Variants in FER observed in about 807,000 individuals in gnomAD.
FER encodes tyrosine-protein kinase Fer.
Under a neutral mutation model 111.0 loss-of-function variants are expected in FER, and 63 were observed. That is an observed-to-expected ratio of 0.57 (90% CI 0.46 to 0.70). FER has a LOEUF of 0.70. Among genes scored for constraint, FER ranks in the 30% least tolerant of loss-of-function variants. The probability of loss-of-function intolerance (pLI) is 0.00; values close to 1 mark genes in which losing one functional copy is unlikely to be tolerated. For missense variants in FER, 914 were observed against 954.0 expected, an observed-to-expected ratio of 0.96 and a Z score of 0.55; for synonymous variants, 327 against 313.9, an observed-to-expected ratio of 1.04 and a Z score of -0.44.
chr5:109,103,491 G>T (rs1159287695), intron 17 of FER, among the ~76,000 whole-genome samples: 1 of 152,120 alleles, frequency 6.6e-6, no homozygotes, highest in Non-Finnish European at 1.5e-5. Flanking sequence ...GAAATGACCT[G>T]CATTTGGAAG....
intron 13 of FER, among the ~76,000 whole-genome samples, chr5:108,985,188 T>C (rs1187769873): frequency 6.6e-6 from 1 of 152,136 alleles, no homozygotes; most frequent in East Asian, 1.9e-4. Context: ...AAAATTGTTT[T>C]TAAAAATAAA....
At chr5:108,792,785 A>G (rs138698253) in intron 2 of FER, among the ~76,000 whole-genome samples, 30 of 151,612 alleles carry the variant, frequency 2.0e-4, no homozygotes, top group Admixed American at 3.9e-4. Flanking sequence ...GATGGTATCT[A>G]GAAATATAAT....
At chr5:108,906,440 A>G (rs1750780381) in intron 10 of FER, among the ~76,000 whole-genome samples, 1 of 152,176 alleles carries the variant, frequency 6.6e-6, no homozygotes, top group South Asian at 2.1e-4. Flanking sequence ...TAGCCACAAT[A>G]GATTGGAAAA....
At chr5:109,124,818 A>G (rs142535018) in intron 17 of FER, among the ~76,000 whole-genome samples, 1,590 of 152,218 alleles carry the variant, frequency 0.01, 28 homozygotes, top group African/African-American at 0.037. Context: ...AGGCCGAGAC[A>G]GGTGGATCAC....
At chr5:108,748,191 C>A (rs1449547778) in intron 1 of FER, among the ~76,000 whole-genome samples, 191 bp downstream of exon 1, 9 of 152,216 alleles carry the variant, frequency 5.9e-5, no homozygotes, top group Non-Finnish European at 1.2e-4. Flanking sequence ...CTAAAGCAAT[C>A]CACGTTAATA....
chr5:109,180,792 G>C lies in FER; in HGVS notation c.2094G>C (p.Leu698=), dbSNP rs779324246. 1 of 1,613,384 alleles carries C rather than the reference G, an allele frequency of 6.2e-7. No individual in the cohort carries two copies. Among genetic ancestry groups the C allele is most frequent in the Non-Finnish European group, 8.5e-7 (1 of 1,179,636 alleles). Residue 698 remains leucine (L), a synonymous_variant, in exon 18 of 20, where the codon CTG becomes CTC. Transcript: ENST00000281092. ...GCCTGGTAGGTGAAAATAATGTTCT[G>C]AAAATCAGTGACTTTGGAATGTCTC... ...RNCLVGENNV[L]KISDFGMSRQ...
chr5:108,951,137 G>C (rs1274433406), intron 11 of FER, among the ~76,000 whole-genome samples: 1 of 151,904 alleles, frequency 6.6e-6, no homozygotes, highest in Non-Finnish European at 1.5e-5. Context: ...AGGTGGGGTG[G>C]TGCGCAATCC....
intron 16 of FER, among the ~76,000 whole-genome samples, chr5:109,084,179 G>A (rs1394388414): frequency 6.6e-6 from 1 of 151,766 alleles, no homozygotes; most frequent in Admixed American, 6.6e-5. Context: ...CGTCACCAGG[G>A]GTAAGCACTT....
At chr5:108,953,372 A>T (rs527486541) in intron 11 of FER, among the ~76,000 whole-genome samples, 18 of 152,004 alleles carry the variant, frequency 1.2e-4, no homozygotes, top group Non-Finnish European at 2.1e-4. Context: ...TGAAAATTAA[A>T]AGACTTAGTT....
intron 16 of FER, among the ~76,000 whole-genome samples, chr5:109,053,638 C>T (rs1284593626): frequency 2.6e-5 from 4 of 151,084 alleles, no homozygotes; most frequent in East Asian, 3.9e-4. Context: ...AAGATTAATC[C>T]ATATTGTAAT....
At chr5:109,066,681 T>C (rs1775128736) in intron 16 of FER, among the ~76,000 whole-genome samples, 1 of 152,176 alleles carries the variant, frequency 6.6e-6, no homozygotes, top group Admixed American at 6.5e-5. Flanking sequence ...ATACACCTGT[T>C]TTTCTTTAAG....
intron 5 of FER, among the ~76,000 whole-genome samples, chr5:108,855,912 G>C (rs1264032590): frequency 1.3e-5 from 2 of 151,010 alleles, no homozygotes; most frequent in African/African-American, 4.9e-5. Context: ...ATGAAATACG[G>C]AATTAACTGG....
intron 13 of FER, among the ~76,000 whole-genome samples, chr5:108,978,750 G>A (rs1300639248): frequency 4.6e-5 from 7 of 152,080 alleles, no homozygotes; most frequent in Admixed American, 4.6e-4. Flanking sequence ...TGTACATGAA[G>A]CCCAAAACGA....
chr5:109,124,862 C>T (rs1341895011), intron 17 of FER, among the ~76,000 whole-genome samples: 3 of 151,914 alleles, frequency 2.0e-5, no homozygotes, highest in South Asian at 4.1e-4. Context: ...CTGGCTAACA[C>T]GGTGAAACCC....
intron 13 of FER, among the ~76,000 whole-genome samples, chr5:108,997,117 A>C (rs552728361): frequency 8.5e-5 from 13 of 152,066 alleles, no homozygotes; most frequent in African/African-American, 2.9e-4. Flanking sequence ...TTGTATCCTG[A>C]GACTTTGCTA....
At chr5:109,021,181 T>C (rs1479274511) in intron 13 of FER, among the ~76,000 whole-genome samples, 2 of 152,034 alleles carry the variant, frequency 1.3e-5, no homozygotes, top group African/African-American at 4.8e-5. Context: ...TACTCAGTGT[T>C]ATCCTACTAC....
At chr5:108,821,269 A>G (rs1183627963) in intron 3 of FER, among the ~76,000 whole-genome samples, 1 of 152,188 alleles carries the variant, frequency 6.6e-6, no homozygotes, top group Non-Finnish European at 1.5e-5. Context: ...TTGGTTCTTT[A>G]AAAACCTTCA....
intron 16 of FER, among the ~76,000 whole-genome samples, chr5:109,069,952 C>A (rs1775572325): frequency 1.3e-5 from 2 of 152,088 alleles, no homozygotes; most frequent in Admixed American, 6.5e-5. Context: ...TGCAGCCACA[C>A]ATAAGCTTAG....
In FER at chr5:108,845,013, T is replaced by TATAC. The variant is rs1188650198; in HGVS notation, c.481+9209_481+9210insCATA. On this transcript the variant is annotated intron_variant, in intron 5 of 19. Transcript: ENST00000281092. ...GTGTGTGTGTATATATATATATATA[T>TATAC]ATATATATATATATATATATATATA... 2.6e-4 allele frequency among the ~76,000 whole-genome samples: 15 copies of TATAC among 57,218 alleles called. No individual in the cohort carries two copies. In the East Asian group the frequency reaches 7.7e-3, roughly 29 times the overall value. 37.5% of individuals were successfully genotyped at this position (57,218 alleles called of 152,430 possible). A position where few individuals can be genotyped will look rare whatever the true frequency, so the allele number is the denominator to read the frequency against.
Sources: allele counts gnomAD v4.1 joint callset (sites outside exome capture counted in the v4.1 genomes callset), GRCh38; gene constraint gnomAD v4.1.1; transcripts MANE v1.5; gene names NCBI Gene and HGNC (gene_info 2026-07-23, HGNC 2026-07-21).